NYAP2: variants seen among roughly 807,000 people sequenced by gnomAD.
NYAP2 encodes neuronal tyrosine-phosphorylated phosphoinositide-3-kinase adaptor 2.
A neutral mutation model predicts 50.4 loss-of-function variants in NYAP2; 23 were observed. The observed-to-expected ratio is 0.46, with a 90% CI of 0.33 to 0.65. The LOEUF is 0.65. Among genes scored for constraint, NYAP2 ranks in the 30% least tolerant of loss-of-function variants. The probability of loss-of-function intolerance (pLI) is 0.02; values close to 1 mark genes in which losing one functional copy is unlikely to be tolerated. For synonymous variants in NYAP2, 394 were observed against 365.2 expected, an observed-to-expected ratio of 1.08 and a Z score of -0.90; for missense variants, 885 against 861.0, an observed-to-expected ratio of 1.03 and a Z score of -0.35.
intron 4 of NYAP2, among the ~76,000 whole-genome samples, chr2:225,535,958 A>T (rs1210804807): frequency 6.6e-6 from 1 of 152,230 alleles, no homozygotes; most frequent in East Asian, 1.9e-4. Context: ...ACTCTATATA[A>T]ACACTCATTA....
chr2:225,673,462 T>A, the NYAP2 span, among the ~76,000 whole-genome samples: 8 of 151,592 alleles, frequency 5.3e-5, no homozygotes, highest in African/African-American at 1.5e-4. Flanking sequence ...TCAATTTATT[T>A]AAAAAAAAAT....
the NYAP2 span, among the ~76,000 whole-genome samples, chr2:225,675,155 ATTATAGT>A: frequency 2.0e-5 from 3 of 152,068 alleles, no homozygotes; most frequent in African/African-American, 7.2e-5. Flanking sequence ...TTCAACTTTT[ATTATAGT>A]TTAAAGTATA....
chr2:225,626,897 T>C lies in NYAP2; in HGVS notation c.1619-20T>C. 2 of 1,522,420 alleles carry C rather than the reference T, an allele frequency of 1.3e-6. No individual in the cohort carries two copies. Among genetic ancestry groups the C allele is most frequent in the Non-Finnish European group, 1.8e-6 (2 of 1,118,628 alleles). The allele number at this position is 1,522,420 out of a possible 1,614,324, so 94.3% of individuals were successfully genotyped here. ...AACTTTACTCTTGTTTAACAGAATGTAATTCTGGTTACTACACAGAATCAA... is the reference window on the plus strand; with the variant it reads ...AACTTTACTCTTGTTTAACAGAATGCAATTCTGGTTACTACACAGAATCAA... On this transcript the variant is annotated intron_variant, in intron 5 of 6. Coordinates refer to ENST00000636099, the Ensembl canonical transcript of NYAP2.
At chr2:225,673,284 ATTTGG>A in the NYAP2 span, among the ~76,000 whole-genome samples, 1 of 152,026 alleles carries the variant, frequency 6.6e-6, no homozygotes, top group Non-Finnish European at 1.5e-5. Context: ...TCAAGATGAG[ATTTGG>A]TTTGGAGATC....
chr2:225,473,379 G>C (rs113145343), intron 3 of NYAP2, among the ~76,000 whole-genome samples: 1 of 152,152 alleles, frequency 6.6e-6, no homozygotes, highest in Non-Finnish European at 1.5e-5. Context: ...CTCAGGAATC[G>C]CCACACTGTC....
chr2:225,499,414 G>A (rs1038505937), intron 3 of NYAP2, among the ~76,000 whole-genome samples: 51 of 151,646 alleles, frequency 3.4e-4, no homozygotes, highest in African/African-American at 9.0e-4. Flanking sequence ...CGGGGTTCAC[G>A]CCATGCTCCT....
chr2:225,611,647 T>A (rs977346213), intron 5 of NYAP2, among the ~76,000 whole-genome samples: 3 of 152,060 alleles, frequency 2.0e-5, no homozygotes, highest in Admixed American at 6.6e-5. Flanking sequence ...TCATCTCTTC[T>A]TGTAGCTCTT....
intron 4 of NYAP2, among the ~76,000 whole-genome samples, chr2:225,516,657 G>A (rs1171960486): frequency 1.3e-5 from 2 of 152,028 alleles, no homozygotes; most frequent in Admixed American, 1.3e-4. Flanking sequence ...GCTCAATTCA[G>A]GGATAGGAGA....
At chr2:225,530,578 G>A (rs1006893383) in intron 4 of NYAP2, among the ~76,000 whole-genome samples, 3 of 152,122 alleles carry the variant, frequency 2.0e-5, no homozygotes, top group Non-Finnish European at 4.4e-5. Flanking sequence ...CCTTGAGGGT[G>A]TCTGTTGTTT....
intron 3 of NYAP2, among the ~76,000 whole-genome samples, chr2:225,409,565 A>T (rs949767123): frequency 1.3e-5 from 2 of 152,024 alleles, no homozygotes; most frequent in African/African-American, 4.8e-5. Flanking sequence ...GGCAGGTAGA[A>T]TCCTCAGGGT....
At chr2:225,644,876 G>A (rs1693600823) in intron 6 of NYAP2, among the ~76,000 whole-genome samples, 1 of 152,064 alleles carries the variant, frequency 6.6e-6, no homozygotes. Flanking sequence ...CAGGTAGTGT[G>A]ATGCCTCCAG....
intron 3 of NYAP2, among the ~76,000 whole-genome samples, chr2:225,432,549 TA>T (rs1689286954): frequency 6.6e-6 from 1 of 151,846 alleles, no homozygotes; most frequent in Non-Finnish European, 1.5e-5. Flanking sequence ...ATTGCTTATA[TA>T]AATATATATG....
chr2:225,607,650 C>G (rs1230907240), intron 5 of NYAP2, among the ~76,000 whole-genome samples: 2 of 152,032 alleles, frequency 1.3e-5, no homozygotes. Flanking sequence ...CCTGTTTGGT[C>G]AAGACTGTAG....
intron 3 of NYAP2, among the ~76,000 whole-genome samples, chr2:225,415,121 C>T (rs1695102762): frequency 6.6e-6 from 1 of 152,006 alleles, no homozygotes; most frequent in Admixed American, 6.6e-5. Flanking sequence ...CTGTGGATGC[C>T]CTCAAGGGAT....
At chr2:225,599,609 A>G (rs1267412847) in intron 5 of NYAP2, among the ~76,000 whole-genome samples, 1 of 152,194 alleles carries the variant, frequency 6.6e-6, no homozygotes, top group East Asian at 1.9e-4. Context: ...CTGACCCTTG[A>G]CCTTGGAGAC....
intron 3 of NYAP2, among the ~76,000 whole-genome samples, chr2:225,437,930 T>G (rs954917923): frequency 5.9e-5 from 9 of 152,220 alleles, no homozygotes; most frequent in Admixed American, 2.0e-4. Flanking sequence ...GACCAGATCA[T>G]GATAAAGCTT....
chr2:225,567,554 A>G (rs959753893), intron 4 of NYAP2, among the ~76,000 whole-genome samples: 1 of 152,062 alleles, frequency 6.6e-6, no homozygotes, highest in Non-Finnish European at 1.5e-5. Flanking sequence ...ATAATCAAGT[A>G]CAAGGTAAAA....
intron 4 of NYAP2, among the ~76,000 whole-genome samples, chr2:225,515,030 C>T (rs1574653406): frequency 6.6e-6 from 1 of 152,190 alleles, no homozygotes; most frequent in African/African-American, 2.4e-5. Flanking sequence ...TATGTGCCAT[C>T]TCTCCCATCA....
chr2:225,437,311 C>T (rs1336207907), intron 3 of NYAP2, among the ~76,000 whole-genome samples: 1 of 152,070 alleles, frequency 6.6e-6, no homozygotes, highest in African/African-American at 2.4e-5. Flanking sequence ...GTGAAGGATA[C>T]TTTCTGCTCC....
Sources: gnomAD v4.1 joint callset for allele counts (sites outside exome capture counted in the v4.1 genomes callset) on GRCh38, gnomAD v4.1.1 for gene constraint, MANE v1.5 for transcripts, NCBI Gene and HGNC (gene_info 2026-07-23, HGNC 2026-07-21) for gene names.